SEC14L5: variants seen among roughly 807,000 people sequenced by gnomAD.
The protein encoded by SEC14L5 is SEC14 like lipid binding 5.
A neutral mutation model predicts 84.6 loss-of-function variants in SEC14L5; 96 were observed. The observed-to-expected ratio is 1.13, with a 90% confidence interval of 0.96 to 1.34. SEC14L5 has a LOEUF of 1.34. Ranked by LOEUF, SEC14L5 falls within the 40% of genes most tolerant of loss-of-function variation. The pLI is 0.00. For missense variants in SEC14L5, 1,224 were observed against 942.5 expected (o/e 1.30, Z -3.91); for synonymous variants, 546 against 383.4 (o/e 1.42, Z -4.95).
Position 5,017,467 on chromosome 16 carries a change from C to T in SEC14L5, c.*2497C>T, listed in dbSNP as rs1955888473. On this transcript the variant is annotated 3_prime_UTR_variant, in exon 16 of 16. Coordinates refer to ENST00000251170, the MANE Select transcript of SEC14L5 (RefSeq NM_014692.2). ...TTGCATGCTGACCTCATTCTTTCTT[C>T]CACCTGGCGGGAAAGATGGCTGCCA... 1 of 152,304 alleles carries T rather than the reference C, an allele frequency of 6.6e-6. No individual in the cohort carries two copies. Among genetic ancestry groups the T allele is most frequent in the Non-Finnish European group, 1.5e-5 (1 of 68,092 alleles). 9.4% of individuals were successfully genotyped at this position (152,304 alleles called of 1,614,324 possible). A position where few individuals can be genotyped will look rare whatever the true frequency, so the allele number is the denominator to read the frequency against.
chr16:5,015,940 T>G lies in SEC14L5; in HGVS notation c.*970T>G, dbSNP rs1420999750. 1.3e-5 allele frequency: 2 copies of G among 152,262 alleles called. No individual in the cohort carries two copies. Among genetic ancestry groups the G allele is most frequent in the African/African-American group, 4.8e-5 (2 of 41,458 alleles). The allele number at this position is 152,262 out of a possible 1,614,324, so 9.4% of individuals were successfully genotyped here. Reference sequence around the variant, plus strand: ...GGCAGTGATGGGGTGACTGAGGCTGTCTGTATACCCCACTGGAGATGCCTT... The same window carrying G: ...GGCAGTGATGGGGTGACTGAGGCTGGCTGTATACCCCACTGGAGATGCCTT... On this transcript the variant is annotated 3_prime_UTR_variant, in exon 16 of 16. Transcript: ENST00000251170.
At chr16:4,967,131 T>G (rs1286339848) in intron 2 of SEC14L5, among the ~76,000 whole-genome samples, 1 of 152,158 alleles carries the variant, frequency 6.6e-6, no homozygotes. Context: ...CAACATAAGT[T>G]CATTGCCTCA....
At chr16:5,003,951 G>A (rs897120265) in intron 11 of SEC14L5, among the ~76,000 whole-genome samples, 5 of 152,130 alleles carry the variant, frequency 3.3e-5, no homozygotes, top group African/African-American at 9.7e-5. Context: ...ATTGTAACCC[G>A]GTGGGTACAC....
At chr16:4,961,665 A>G (rs1023074441) in intron 2 of SEC14L5, among the ~76,000 whole-genome samples, 1 of 152,168 alleles carries the variant, frequency 6.6e-6, no homozygotes, top group Non-Finnish European at 1.5e-5. Flanking sequence ...ATTCATGGGC[A>G]TGGCTTATTT....
chr16:4,975,579 G>A (rs1404575922), intron 2 of SEC14L5, among the ~76,000 whole-genome samples: 1 of 152,062 alleles, frequency 6.6e-6, no homozygotes, highest in Non-Finnish European at 1.5e-5. Flanking sequence ...TGGTTGATGG[G>A]CGTTTGGGTT....
chr16:4,999,053 A>G (rs1348635899), intron 8 of SEC14L5, among the ~76,000 whole-genome samples: 5 of 152,234 alleles, frequency 3.3e-5, no homozygotes, highest in African/African-American at 7.2e-5. Flanking sequence ...TCATACCCTA[A>G]ACGAGTGTCC....
Position 4,959,363 on chromosome 16 carries a change from T to G in SEC14L5, c.40T>G (p.Tyr14Asp). The G allele has an allele frequency of 1.9e-6, 3 of 1,613,906 alleles. No homozygotes were observed. The highest frequency in any genetic ancestry group is 2.5e-6 in the Non-Finnish European group (3 of 1,179,806). Residue 14 changes from tyrosine (Y) to aspartate (D), a missense_variant, in exon 2 of 16, where the codon TAC becomes GAC. By Grantham distance (160) the Tyr-to-Asp change is radical. Coordinates refer to ENST00000251170, the MANE Select transcript of SEC14L5 (RefSeq NM_014692.2). Reference protein sequence around the residue: ...RYQSPVRVYKYPFELVMAAYE... With the variant: ...RYQSPVRVYKDPFELVMAAYE... Reference sequence around the variant, plus strand: ...CCAGTCTCCTGTCCGAGTCTACAAGTACCCGTTTGAGCTGGTCATGGCGGT... The same window carrying G: ...CCAGTCTCCTGTCCGAGTCTACAAGGACCCGTTTGAGCTGGTCATGGCGGT...
At position 5,005,918 on chromosome 16, in the gene SEC14L5, G is replaced by T; in HGVS notation, c.1307G>T (p.Ser436Ile). 6.3e-7 allele frequency: 1 copy of T among 1,574,994 alleles called. No individual in the cohort carries two copies. The highest frequency in any genetic ancestry group is 8.6e-7 in the Non-Finnish European group (1 of 1,157,722). The change falls in exon 12 of 16, where the codon AGC becomes ATC. Residue 436 changes from serine to isoleucine, a missense_variant. Ser to Ile is a moderately radical substitution (Grantham distance 142). Coordinates refer to ENST00000251170, the MANE Select transcript of SEC14L5 (RefSeq NM_014692.2). ...RVFPVLWTLI[S>I]PFINENTRRK... is the part of the protein sequence containing the mutation. ...TGCCTTATGTCCTGGTTTCAGATCA[G>T]CCCCTTCATCAATGAGAACACCAGG...
intron 2 of SEC14L5, among the ~76,000 whole-genome samples, chr16:4,960,108 C>G (rs1157577321): frequency 6.6e-6 from 1 of 152,198 alleles, no homozygotes; most frequent in Non-Finnish European, 1.5e-5. Context: ...CCCCCAGGAT[C>G]ACTGGTCTTT....
At chr16:4,964,548 C>T (rs1955171898) in intron 2 of SEC14L5, among the ~76,000 whole-genome samples, 1 of 151,986 alleles carries the variant, frequency 6.6e-6, no homozygotes, top group Admixed American at 6.6e-5. Flanking sequence ...CGCTCCATTG[C>T]ACTCCAGCCT....
chr16:4,981,498 A>AC (rs1955423591), intron 2 of SEC14L5, among the ~76,000 whole-genome samples: 1 of 151,898 alleles, frequency 6.6e-6, no homozygotes, highest in African/African-American at 2.4e-5. Flanking sequence ...AAGGAAGGGG[A>AC]GAAGGTCAGG....
intron 2 of SEC14L5, among the ~76,000 whole-genome samples, chr16:4,987,224 AG>A (rs1274425416): frequency 6.8e-6 from 1 of 145,994 alleles, no homozygotes; most frequent in East Asian, 2.0e-4. Flanking sequence ...TTTATCATGA[AG>A]GGGTGTTGGA....
At chr16:4,987,731 C>A (rs1246831513) in intron 3 of SEC14L5, 25 bp downstream of exon 3, 2 of 1,340,264 alleles carry the variant, frequency 1.5e-6, no homozygotes, top group Non-Finnish European at 1.9e-6. Flanking sequence ...GGCTGGGGGG[C>A]GGAGGAGGGG....
At chr16:4,970,424 A>T (rs1200795718) in intron 2 of SEC14L5, among the ~76,000 whole-genome samples, 2 of 152,192 alleles carry the variant, frequency 1.3e-5, no homozygotes, top group Non-Finnish European at 2.9e-5. Context: ...TGCAAGTTAG[A>T]AAGTGGCTGG....
rs753102037 is a variant in SEC14L5 at position 4,996,873 on chromosome 16, A to G, written c.799A>G (p.Ile267Val). 6.2e-7 allele frequency: 1 copy of G among 1,612,592 alleles called. No individual in the cohort carries two copies. Among genetic ancestry groups the G allele is most frequent in the Non-Finnish European group, 8.5e-7 (1 of 1,179,386 alleles). ...HKGKIPKDEH[I>V]LRFLRAHDFH... ...CTCTCAGATTCCCAAAGATGAGCAC[A>G]TCCTTCGGTTCCTGCGGGCTCATGA... Residue 267 changes from isoleucine (I) to valine (V), a missense_variant, in exon 8 of 16, where the codon ATC (isoleucine) becomes GTC (valine). Coordinates refer to ENST00000251170, the MANE Select transcript of SEC14L5 (RefSeq NM_014692.2).
intron 2 of SEC14L5, among the ~76,000 whole-genome samples, chr16:4,977,261 A>G (rs1568114532): frequency 1.3e-5 from 2 of 152,046 alleles, no homozygotes; most frequent in Admixed American, 6.6e-5. Flanking sequence ...AGCCTGGCCA[A>G]CATGGTGAAA....
intron 2 of SEC14L5, among the ~76,000 whole-genome samples, chr16:4,970,982 C>A (rs1955269804): frequency 6.6e-6 from 1 of 152,026 alleles, no homozygotes; most frequent in African/African-American, 2.4e-5. Context: ...ACGGTATGTG[C>A]CTGTAGTCCC....
At chr16:4,971,031 C>T (rs745746241) in intron 2 of SEC14L5, among the ~76,000 whole-genome samples, 11 of 148,356 alleles carry the variant, frequency 7.4e-5, no homozygotes, top group East Asian at 4.0e-4. Flanking sequence ...TCGCTTGAAC[C>T]GGGAGGTGGA....
Position 4,986,514 on chromosome 16 carries a change from A to T in SEC14L5, c.64-1043A>T, listed in dbSNP as rs183064039. On this transcript the variant is annotated intron_variant, in intron 2 of 15. Coordinates refer to ENST00000251170, the MANE Select transcript of SEC14L5 (RefSeq NM_014692.2). ...TGCTCTTTTTCGATTGCTTTTGGTT[A>T]TCTTGGGTCTGTTGTATTTCCATAT... Among the ~76,000 whole-genome samples, 4 of 152,254 alleles carry T rather than the reference A, an allele frequency of 2.6e-5. No homozygotes were observed. In the East Asian group the frequency reaches 7.7e-4, roughly 29 times the overall value.
Sources: allele counts gnomAD v4.1 joint callset (sites outside exome capture counted in the v4.1 genomes callset), GRCh38; gene constraint gnomAD v4.1.1; transcripts MANE v1.5; gene names NCBI Gene and HGNC (gene_info 2026-07-23, HGNC 2026-07-21).